ADGB: variants seen among roughly 807,000 people sequenced by gnomAD.
The protein encoded by ADGB is androglobin.
In ADGB, 172 loss-of-function variants were observed where a neutral mutation model predicts 210.5. The observed-to-expected ratio is 0.82, with a 90% CI of 0.72 to 0.93. ADGB has a LOEUF of 0.93. Ranked by LOEUF, ADGB falls within the 40% of genes least tolerant of loss-of-function variation. The probability of loss-of-function intolerance (pLI) is 0.00; values close to 1 mark genes in which losing one functional copy is unlikely to be tolerated. For missense variants in ADGB, 2,025 were observed against 1,964.8 expected (o/e 1.03, Z -0.58); for synonymous variants, 658 against 662.7 (o/e 0.99, Z 0.11).
At chr6:146,721,574 A>G (rs1419078724) in intron 17 of ADGB, 69 bp downstream of exon 17, 1 of 1,071,546 alleles carries the variant, frequency 9.3e-7, no homozygotes, top group Non-Finnish European at 1.4e-6. Context: ...GTGGTGGCTC[A>G]CGCCTGTAAT....
At chr6:146,648,288 G>A (rs987664101) in intron 3 of ADGB, among the ~76,000 whole-genome samples, 1 of 152,000 alleles carries the variant, frequency 6.6e-6, no homozygotes, top group African/African-American at 2.4e-5. Flanking sequence ...CTGCACTCAA[G>A]TGATCCTCCT....
At chr6:146,689,931 C>T (rs538056554) in intron 10 of ADGB, among the ~76,000 whole-genome samples, 13 of 152,190 alleles carry the variant, frequency 8.5e-5, no homozygotes, top group Admixed American at 7.9e-4. Context: ...AGTTAAGTTG[C>T]TAAAATATAC....
chr6:146,725,316 G>A (rs967817074), intron 18 of ADGB: 10 of 152,270 alleles, frequency 6.6e-5, no homozygotes, highest in African/African-American at 2.4e-4. Context: ...CCAGAGCCAT[G>A]GACTGGTCCT....
chr6:146,732,702 AT>A (rs1179697868), intron 20 of ADGB, among the ~76,000 whole-genome samples: 1 of 152,192 alleles, frequency 6.6e-6, no homozygotes, highest in Non-Finnish European at 1.5e-5. Context: ...CTATTAAGTG[AT>A]TAAAAAAACT....
At position 146,801,240 on chromosome 6, in the gene ADGB, GA is replaced by G; in HGVS notation, c.4599del (p.Ala1534HisfsTer2). The part of the protein sequence containing the change: ...TILETSPRLI[R>X]KALEFMDLSQ... ...TTGGAAACATCTCCACGACTTATTC[GA>G]AAAGCACTAGAATTTATGGATTTAA... On this transcript the variant is annotated frameshift_variant, in exon 34 of 36. Coordinates refer to ENST00000397944, the MANE Select transcript of ADGB (RefSeq NM_024694.4). LOFTEE classifies it high-confidence loss of function. 6.6e-7 allele frequency: 1 copy of G among 1,513,156 alleles called. No individual in the cohort carries two copies. The highest frequency in any genetic ancestry group is 8.9e-7 in the Non-Finnish European group (1 of 1,129,346). The allele number at this position is 1,513,156 out of a possible 1,614,324, so 93.7% of individuals were successfully genotyped here.
intron 2 of ADGB, among the ~76,000 whole-genome samples, chr6:146,640,340 G>A (rs1451683354): frequency 1.3e-5 from 2 of 151,970 alleles, no homozygotes; most frequent in Non-Finnish European, 2.9e-5. Context: ...GTAGAAAGAC[G>A]AGCTGGTACC....
At chr6:146,745,880 T>C (rs1777225343) in intron 25 of ADGB, 42 bp from the exon 26 acceptor site, 7 of 1,447,190 alleles carry the variant, frequency 4.8e-6, no homozygotes, top group Non-Finnish European at 6.5e-6. Context: ...GATAGAATAA[T>C]AACGACATAA....
chr6:146,726,317 G>A, intron 19 of ADGB, 120 bp downstream of exon 19: 1 of 600,366 alleles, frequency 1.7e-6, no homozygotes, highest in Non-Finnish European at 2.9e-6. Flanking sequence ...TGCCTTCCAG[G>A]TTCAAGCAAT....
chr6:146,673,607 TAATCTAGTATTAGCTCTC>T (rs1776045483), intron 8 of ADGB, among the ~76,000 whole-genome samples: 1 of 152,186 alleles, frequency 6.6e-6, no homozygotes, highest in Admixed American at 6.5e-5. Flanking sequence ...GCTACTAAAT[TAATCTAGTATTAGCTCTC>T]AATTTCCATT....
chr6:146,672,610 C>G (rs1426904060), intron 8 of ADGB, 143 bp downstream of exon 8: 4 of 949,432 alleles, frequency 4.2e-6, no homozygotes, highest in Non-Finnish European at 4.4e-6. Flanking sequence ...GTAGGGAATT[C>G]AAGGCAGGTC....
Position 146,801,276 on chromosome 6 carries a change from T to G in ADGB, c.4631T>G (p.Val1544Gly). Residue 1544 changes from valine to glycine, a missense_variant, in exon 34 of 36, where the codon GTT (valine) becomes GGT (glycine). By Grantham distance (109) the Val-to-Gly change is moderately radical. Coordinates refer to ENST00000397944, the MANE Select transcript of ADGB (RefSeq NM_024694.4). ...GAATTTATGGATTTAAGTCAATATG[T>G]TCGGTAAGTTTTCATAAACATGATT... Reference protein sequence around the residue: ...ALEFMDLSQYVRKTDTDPLLQ... With the variant: ...ALEFMDLSQYGRKTDTDPLLQ... The G allele has an allele frequency of 6.8e-7, 1 of 1,474,176 alleles. No homozygotes were observed. Among genetic ancestry groups the G allele is most frequent in the South Asian group, 1.4e-5 (1 of 71,976 alleles). The allele number at this position is 1,474,176 out of a possible 1,614,324, so 91.3% of individuals were successfully genotyped here.
intron 27 of ADGB, among the ~76,000 whole-genome samples, chr6:146,759,563 G>A (rs1366774453): frequency 6.6e-6 from 1 of 151,646 alleles, no homozygotes; most frequent in Non-Finnish European, 1.5e-5. Context: ...TACAGAGAGT[G>A]ATCTGTGATA....
chr6:146,804,207 T>C (rs1778176622), intron 35 of ADGB, among the ~76,000 whole-genome samples: 1 of 152,100 alleles, frequency 6.6e-6, no homozygotes, highest in Non-Finnish European at 1.5e-5. Flanking sequence ...TCAATAAATA[T>C]ATATGGATAA....
chr6:146,760,558 A>G (rs960030767), intron 27 of ADGB, among the ~76,000 whole-genome samples: 2 of 151,922 alleles, frequency 1.3e-5, no homozygotes, highest in Admixed American at 1.3e-4. Flanking sequence ...ACTCAAGCTG[A>G]TAAGGACATG....
chr6:146,759,218 C>A (rs921866364), intron 27 of ADGB, among the ~76,000 whole-genome samples: 8 of 151,680 alleles, frequency 5.3e-5, no homozygotes, highest in African/African-American at 1.9e-4. Context: ...AAAGATAAAA[C>A]TTCATTGCAA....
At chr6:146,716,454 G>T (rs1408340173) in intron 14 of ADGB, among the ~76,000 whole-genome samples, 4 of 141,722 alleles carry the variant, frequency 2.8e-5, no homozygotes, top group Admixed American at 2.7e-4. Flanking sequence ...TTAGCCGGGC[G>T]CGGTGGCGGG....
At chr6:146,736,652 G>A (rs993387041) in intron 23 of ADGB, 61 bp downstream of exon 23, 1 of 1,151,688 alleles carries the variant, frequency 8.7e-7, no homozygotes, top group Non-Finnish European at 1.2e-6. Flanking sequence ...AGTCCAGTTT[G>A]AATACTACCA....
intron 1 of ADGB, among the ~76,000 whole-genome samples, chr6:146,600,926 GCACA>G (rs35082520): frequency 0.28 from 40,253 of 144,050 alleles, 5,641 homozygotes; most frequent in African/African-American, 0.36. Flanking sequence ...TCCCCCATGC[GCACA>G]CACACACACA....
chr6:146,677,460 T>C (rs2114908316), intron 9 of ADGB, among the ~76,000 whole-genome samples: 1 of 152,326 alleles, frequency 6.6e-6, no homozygotes, highest in East Asian at 1.9e-4. Flanking sequence ...TTTTTATTTT[T>C]ACTGAAACAT....
Sources: gnomAD v4.1 joint callset for allele counts (sites outside exome capture counted in the v4.1 genomes callset) on GRCh38, gnomAD v4.1.1 for gene constraint, MANE v1.5 for transcripts, NCBI Gene and HGNC (gene_info 2026-07-23, HGNC 2026-07-21) for gene names.